The following FSTL4 variants were observed in gnomAD, a reference collection of about 807,000 sequenced individuals.
FSTL4 encodes follistatin like 4, also known as follistatin-related protein 4.
A neutral mutation model predicts 78.2 loss-of-function variants in FSTL4; 28 were observed. The ratio of observed to expected loss-of-function variants is 0.36; its 90% CI spans 0.27 to 0.49. The LOEUF (loss-of-function observed/expected upper bound fraction) is 0.49, where lower values mean the gene tolerates loss of function less well. FSTL4 is among the 20% of genes least tolerant of loss of function. The pLI, the probability that FSTL4 is intolerant of heterozygous loss-of-function variation, is 0.98. For missense variants in FSTL4, 922 were observed against 1,084.9 expected (o/e 0.85, Z 2.11); for synonymous variants, 422 against 440.5 (o/e 0.96, Z 0.53).
intron 3 of FSTL4, among the ~76,000 whole-genome samples, chr5:133,531,273 G>A (rs1267385617): frequency 3.3e-5 from 5 of 152,042 alleles, no homozygotes; most frequent in African/African-American, 4.8e-5. Context: ...TGCTGACCCC[G>A]TCCCCCAGTG....
At chr5:133,237,498 G>T (rs1486930431) in intron 7 of FSTL4, among the ~76,000 whole-genome samples, 2 of 152,150 alleles carry the variant, frequency 1.3e-5, no homozygotes, top group Admixed American at 1.3e-4. Context: ...GACTTGAGGG[G>T]CTCCTGGGTG....
chr5:133,771,978 G>T, the FSTL4 span, among the ~76,000 whole-genome samples: 3 of 152,098 alleles, frequency 2.0e-5, no homozygotes, highest in Non-Finnish European at 4.4e-5. Flanking sequence ...TACTCACAAT[G>T]GATCATTGGT....
At chr5:133,793,915 T>C in the FSTL4 span, among the ~76,000 whole-genome samples, 1 of 152,232 alleles carries the variant, frequency 6.6e-6, no homozygotes, top group Non-Finnish European at 1.5e-5. Flanking sequence ...CTCATTTGAA[T>C]ATTGAATTCT....
chr5:133,725,766 T>C, the FSTL4 span, among the ~76,000 whole-genome samples: 2 of 152,206 alleles, frequency 1.3e-5, no homozygotes, highest in Non-Finnish European at 2.9e-5. Context: ...ACCAAAGCTG[T>C]CTTCATGACT....
chr5:133,522,376 G>A (rs1758998551), intron 3 of FSTL4, among the ~76,000 whole-genome samples: 1 of 152,170 alleles, frequency 6.6e-6, no homozygotes, highest in South Asian at 2.1e-4. Flanking sequence ...GACCCTAGAA[G>A]ATAGTAATTA....
chr5:133,376,341 G>C (rs751097738), intron 4 of FSTL4, among the ~76,000 whole-genome samples: 43 of 152,176 alleles, frequency 2.8e-4, no homozygotes, highest in Non-Finnish European at 3.1e-4. Flanking sequence ...TCAATAAATG[G>C]AGTTAGGGCA....
chr5:133,365,801 T>C (rs551666271), intron 4 of FSTL4, among the ~76,000 whole-genome samples: 2 of 152,304 alleles, frequency 1.3e-5, no homozygotes, highest in South Asian at 4.1e-4. Flanking sequence ...AGAGGGAGAA[T>C]GGCCAGTTAA....
chr5:133,575,941 ATG>A (rs1409567217), intron 2 of FSTL4, among the ~76,000 whole-genome samples: 1 of 152,248 alleles, frequency 6.6e-6, no homozygotes, highest in African/African-American at 2.4e-5. Flanking sequence ...ATCATTTAAA[ATG>A]TCATTTAACC....
At chr5:133,557,383 T>TAG (rs1477243480) in intron 3 of FSTL4, among the ~76,000 whole-genome samples, 2 of 152,200 alleles carry the variant, frequency 1.3e-5, no homozygotes, top group Admixed American at 1.3e-4. Flanking sequence ...AATCATTAAG[T>TAG]AGACGTTAAT....
chr5:133,562,716 C>G (rs547951627), intron 3 of FSTL4, among the ~76,000 whole-genome samples: 1 of 152,300 alleles, frequency 6.6e-6, no homozygotes, highest in East Asian at 1.9e-4. Flanking sequence ...AAACTCGCAG[C>G]CCCTAATCAC....
intron 11 of FSTL4, chr5:133,223,978 T>C: frequency 4.0e-6 from 2 of 504,370 alleles, no homozygotes; most frequent in South Asian, 6.2e-5. Flanking sequence ...CCACTTTTAA[T>C]GAAAGCTTTG....
chr5:133,755,767 C>T, the FSTL4 span, among the ~76,000 whole-genome samples: 2 of 152,204 alleles, frequency 1.3e-5, no homozygotes, highest in Admixed American at 1.3e-4. Flanking sequence ...CTTTGGACTC[C>T]AAGGGGAGCA....
intron 6 of FSTL4, among the ~76,000 whole-genome samples, chr5:133,301,986 A>T (rs1004253013): frequency 6.6e-6 from 1 of 152,034 alleles, no homozygotes; most frequent in Admixed American, 6.5e-5. Context: ...ATTTGGATTC[A>T]CCGGGAAGTC....
intron 6 of FSTL4, among the ~76,000 whole-genome samples, chr5:133,293,136 G>A (rs1049386961): frequency 2.6e-5 from 4 of 152,228 alleles, no homozygotes; most frequent in African/African-American, 9.7e-5. Context: ...GGCACCCCCA[G>A]AGCTAAGAAG....
the FSTL4 span, among the ~76,000 whole-genome samples, chr5:133,690,441 C>A: frequency 6.6e-6 from 1 of 152,096 alleles, no homozygotes; most frequent in African/African-American, 2.4e-5. Context: ...ATATCTGCTG[C>A]ACCTCAAATA....
chr5:133,444,474 C>T (rs1365598857), intron 3 of FSTL4, among the ~76,000 whole-genome samples: 2 of 152,240 alleles, frequency 1.3e-5, no homozygotes, highest in East Asian at 3.9e-4. Context: ...TGTGCTCAGA[C>T]TCAGTTAACT....
chr5:133,338,750 C>T lies in FSTL4; in HGVS notation c.410-22098G>A, dbSNP rs1296095884. Among the ~76,000 whole-genome samples, 1 of 152,144 alleles carries T rather than the reference C, an allele frequency of 6.6e-6. No homozygotes were observed. On this transcript the variant is annotated intron_variant, in intron 4 of 15. Transcript: ENST00000265342. This position sits in a 1 kb window ranked among gnomAD's most constrained non-coding sequence, Gnocchi z 4.0. ...TCTTTCACATCCCAGCCTCAGCCGA[C>T]AACCCCTCCACCCAAGCCCCCTGCT...
rs1165403483 is a variant in FSTL4 at position 133,225,660 on chromosome 5, A to G, written c.1175T>C (p.Leu392Ser). The change falls in exon 9 of 16, where the codon TTA becomes TCA. Residue 392 changes from leucine to serine, a missense_variant and splice_region_variant. Physicochemically the swap from Leu to Ser is moderately radical, Grantham distance 145. Transcript: ENST00000265342. This position sits in a 1 kb window ranked among gnomAD's most constrained non-coding sequence, Gnocchi z 4.6. ...STQMSKQLSL[L>S]ANGSELHISS... ...CGTCTACCAAGGGCAGTTCTTACCT[A>G]AAAGGGAGAGCTGTTTGGACATCTG... The G allele has an allele frequency of 6.3e-7, 1 of 1,586,676 alleles. No homozygotes were observed. Among genetic ancestry groups the G allele is most frequent in the Non-Finnish European group, 8.6e-7 (1 of 1,167,286 alleles).
intron 3 of FSTL4, among the ~76,000 whole-genome samples, chr5:133,423,493 A>G (rs548051038): frequency 2.6e-5 from 4 of 152,282 alleles, no homozygotes; most frequent in Non-Finnish European, 5.9e-5. Context: ...GGGCTGCCCA[A>G]TTCTGCTGCT....
Sources: allele counts gnomAD v4.1 joint callset (sites outside exome capture counted in the v4.1 genomes callset), GRCh38; gene constraint gnomAD v4.1.1; non-coding constraint Gnocchi (gnomAD v3.1); transcripts MANE v1.5; gene names NCBI Gene and HGNC (gene_info 2026-07-23, HGNC 2026-07-21).